The following PLCE1 variants were observed in gnomAD, a reference collection of about 807,000 sequenced individuals.
PLCE1 encodes 1-phosphatidylinositol 4,5-bisphosphate phosphodiesterase epsilon-1.
In PLCE1, 119 loss-of-function variants were observed where a neutral mutation model predicts 242.8. The observed-to-expected ratio is 0.49, with a 90% CI of 0.42 to 0.57. The LOEUF (loss-of-function observed/expected upper bound fraction) is 0.57, where lower values mean the gene tolerates loss of function less well. Among genes scored for constraint, PLCE1 ranks in the 20% least tolerant of loss-of-function variants. PLCE1 has a pLI of 0.00. For synonymous variants in PLCE1, 945 were observed against 1,017.4 expected (o/e 0.93, Z 1.35); for missense variants, 2,441 against 2,788.8 (o/e 0.88, Z 2.81).
rs2053960680 is a variant in PLCE1 at position 94,325,079 on chromosome 10, G to A, written c.6908G>A (p.Ter2303=). 6.2e-7 allele frequency: 1 copy of A among 1,613,902 alleles called. No homozygotes were observed. The highest frequency in any genetic ancestry group is 1.3e-5 in the African/African-American group (1 of 75,034). ...SSSDTMDYRQ[*] ...AGTGACACAATGGATTACCGACAGT[G>A]ACTAAGGGCAGCATGTTTAACCCAG... Residue 2303 remains the stop codon, a stop_retained_variant, in exon 32 of 33, where the codon TGA becomes TAA. Transcript: ENST00000371380.
chr10:94,306,612 T>G lies in PLCE1; in HGVS notation c.5808T>G (p.Leu1936=). ...FHVHFEDLVF[L]RFAVVENNSS... is the part of the protein sequence containing the mutation. ...TTCACTTCGAAGATCTTGTATTTCT[T>G]CGTTTTGCAGTTGTGGAAAACAATA... The change falls in exon 26 of 33, where the codon CTT becomes CTG. Residue 1936 remains leucine (L), a synonymous_variant. Transcript: ENST00000371380. The surrounding 1 kb of genome is among the most constrained non-coding windows in gnomAD (Gnocchi z 5.7). 1 of 1,614,164 alleles carries G rather than the reference T, an allele frequency of 6.2e-7. No homozygotes were observed. The highest frequency in any genetic ancestry group is 1.1e-5 in the South Asian group (1 of 91,088).
At chr10:94,021,586 T>C (rs1050160811) in intron 1 of PLCE1, among the ~76,000 whole-genome samples, 1 of 152,172 alleles carries the variant, frequency 6.6e-6, no homozygotes, top group Non-Finnish European at 1.5e-5. Flanking sequence ...CTAGACTATA[T>C]TCTATTTCAT....
At chr10:94,139,645 G>A (rs1472919030) in intron 3 of PLCE1, 2 of 152,016 alleles carry the variant, frequency 1.3e-5, no homozygotes, top group Non-Finnish European at 2.9e-5. Context: ...AGAAACCAGG[G>A]TCCTGAGTCC....
At chr10:94,327,935 T>A (rs145174290) in intron 32 of PLCE1, 33 bp from the exon 33 acceptor site, 1 of 524,330 alleles carries the variant, frequency 1.9e-6, no homozygotes, top group Non-Finnish European at 3.9e-6. Flanking sequence ...TCATTTTCAG[T>A]ATACTAATAA....
intron 4 of PLCE1, among the ~76,000 whole-genome samples, chr10:94,223,439 G>C (rs1371970269): frequency 6.6e-6 from 1 of 152,120 alleles, no homozygotes; most frequent in Admixed American, 6.5e-5. Flanking sequence ...ACACAAGCAA[G>C]ACATGGTGGA....
Position 93,996,346 on chromosome 10 carries a change from C to T in PLCE1, c.-365+2088C>T, listed in dbSNP as rs113008118. ...TTGTTTGCTGAAGTTGCTTTCCTCC[C>T]AACGTTCAGTTGAGATCTGTGGCAT... On this transcript the variant is annotated intron_variant, in intron 1 of 32. Transcript: ENST00000371380. Among the ~76,000 whole-genome samples the T allele has an allele frequency of 1.3e-3, 196 of 152,302 alleles. 2 individuals carry two copies. Among genetic ancestry groups the T allele is most frequent in the African/African-American group, 4.4e-3 (183 of 41,550 alleles).
rs532229614 is a variant in PLCE1 at position 93,996,891 on chromosome 10, A to G, written c.-365+2633A>G. ...GTATTGGACAGTGCAGATATAGAAC[A>G]TTTTCATCATCTCAGAAAATCCTTC... On this transcript the variant is annotated intron_variant, in intron 1 of 32. Transcript: ENST00000371380. 5.9e-5 allele frequency among the ~76,000 whole-genome samples: 9 copies of G among 152,334 alleles called. No individual in the cohort carries two copies. In the East Asian group the frequency reaches 7.7e-4, roughly 13 times the overall value.
At chr10:94,134,192 C>T (rs1311545776) in intron 3 of PLCE1, among the ~76,000 whole-genome samples, 2 of 151,946 alleles carry the variant, frequency 1.3e-5, no homozygotes, top group Non-Finnish European at 2.9e-5. Context: ...CCTCTGCCTC[C>T]CAAGTTCAAG....
chr10:94,198,810 G>C lies in PLCE1; in HGVS notation c.1809+27314G>C, dbSNP rs77379735. 1.1e-4 allele frequency among the ~76,000 whole-genome samples: 17 copies of C among 152,288 alleles called. No homozygotes were observed. The East Asian group carries it at 2.9e-3, about 26-fold the overall frequency. On this transcript the variant is annotated intron_variant, in intron 4 of 32. Transcript: ENST00000371380. Reference sequence around the variant, plus strand: ...ACCTGTTAATCCCAGCATTTTGGGAGGCCAAGGTGGGAGTATCACTTGAGC... The same window carrying C: ...ACCTGTTAATCCCAGCATTTTGGGACGCCAAGGTGGGAGTATCACTTGAGC...
intron 2 of PLCE1, among the ~76,000 whole-genome samples, chr10:94,077,459 C>T (rs764264352): frequency 6.6e-6 from 1 of 152,156 alleles, no homozygotes; most frequent in Non-Finnish European, 1.5e-5. Flanking sequence ...TTAATGTTTT[C>T]CTACTGGCAG....
Position 94,056,029 on chromosome 10 carries a change from A to G in PLCE1, c.1206+23777A>G, listed in dbSNP as rs147822067. Among the ~76,000 whole-genome samples, 653 of 152,290 alleles carry G rather than the reference A, an allele frequency of 4.3e-3. 2 individuals are homozygous for G. Among genetic ancestry groups the G allele is most frequent in the Middle Eastern group, 0.014 (4 of 294 alleles). ...CCCTTCTGAGGTGCTGCTTAGTTGA[A>G]TAGTCTACATGCCAGTAGATTTCTG... On this transcript the variant is annotated intron_variant, in intron 2 of 32. Transcript: ENST00000371380.
chr10:94,269,070 CAA>C (rs1564846074), intron 17 of PLCE1, 34 bp downstream of exon 17: 1 of 824,276 alleles, frequency 1.2e-6, no homozygotes, highest in South Asian at 1.3e-5. Flanking sequence ...AATCAAATCA[CAA>C]AGAGACATTA....
intron 2 of PLCE1, among the ~76,000 whole-genome samples, chr10:94,071,157 C>G (rs907618234): frequency 2.4e-4 from 37 of 152,086 alleles, no homozygotes; most frequent in Non-Finnish European, 4.7e-4. Flanking sequence ...CCTATTCCAC[C>G]AAGACGTAGT....
At chr10:94,186,651 CAG>C (rs2048488046) in intron 4 of PLCE1, among the ~76,000 whole-genome samples, 1 of 152,186 alleles carries the variant, frequency 6.6e-6, no homozygotes, top group Non-Finnish European at 1.5e-5. Context: ...GTTGGCCTAA[CAG>C]AACATTTTTT....
At chr10:94,091,491 A>G (rs907381241) in intron 2 of PLCE1, among the ~76,000 whole-genome samples, 1 of 152,190 alleles carries the variant, frequency 6.6e-6, no homozygotes, top group Non-Finnish European at 1.5e-5. Context: ...GGAGAGAAAG[A>G]TAACTATAGT....
intron 8 of PLCE1, among the ~76,000 whole-genome samples, chr10:94,249,817 ACTGATGGCCCATAATC>A (rs2050811228): frequency 6.6e-6 from 1 of 152,138 alleles, no homozygotes; most frequent in South Asian, 2.1e-4. Flanking sequence ...CATGGACAGA[ACTGATGGCCCATAATC>A]CTGGGTATTT....
chr10:94,042,282 A>T (rs960879096), intron 2 of PLCE1, among the ~76,000 whole-genome samples: 2 of 152,176 alleles, frequency 1.3e-5, no homozygotes, highest in Non-Finnish European at 2.9e-5. Flanking sequence ...TAGAAGTAAG[A>T]TGGTAAGTAC....
chr10:94,006,902 A>G (rs1212571291), intron 1 of PLCE1, among the ~76,000 whole-genome samples: 1 of 152,160 alleles, frequency 6.6e-6, no homozygotes, highest in Non-Finnish European at 1.5e-5. Context: ...GAGCAGGGAG[A>G]CCACTGAGGG....
At chr10:94,092,099 T>A (rs957397294) in intron 2 of PLCE1, among the ~76,000 whole-genome samples, 13 of 152,160 alleles carry the variant, frequency 8.5e-5, no homozygotes, top group African/African-American at 3.1e-4. Flanking sequence ...ACCAAGATAA[T>A]GTATACCTGA....
Sources: gnomAD v4.1 joint callset for allele counts (sites outside exome capture counted in the v4.1 genomes callset) on GRCh38, gnomAD v4.1.1 for gene constraint, Gnocchi (gnomAD v3.1) non-coding constraint, MANE v1.5 for transcripts, NCBI Gene and HGNC (gene_info 2026-07-23, HGNC 2026-07-21) for gene names.